The following MYO1D variants were observed in gnomAD, a reference collection of about 807,000 sequenced individuals.
The protein encoded by MYO1D is myosin ID.
MYO1D carries 83 observed loss-of-function variants against 122.0 expected under a neutral mutation model. The ratio of observed to expected loss-of-function variants is 0.68; its 90% CI spans 0.57 to 0.82. The LOEUF is 0.82. Ranked by LOEUF, MYO1D falls within the 40% of genes least tolerant of loss-of-function variation. The pLI is 0.00. For missense variants in MYO1D, 1,157 were observed against 1,269.5 expected (o/e 0.91, Z 1.35); for synonymous variants, 464 against 446.9 (o/e 1.04, Z -0.48).
intron 13 of MYO1D, among the ~76,000 whole-genome samples, chr17:32,740,922 T>C (rs2089764666): frequency 1.3e-5 from 2 of 152,256 alleles, no homozygotes; most frequent in South Asian, 4.1e-4. Context: ...GAGTAAAAGT[T>C]TGTGCACTTG....
chr17:32,595,262 T>C (rs1177015786), intron 21 of MYO1D, among the ~76,000 whole-genome samples: 1 of 152,202 alleles, frequency 6.6e-6, no homozygotes, highest in African/African-American at 2.4e-5. Context: ...TATTCTGTAA[T>C]CTTATCTGTA....
chr17:32,787,697 G>A lies in MYO1D; in HGVS notation c.96-6913C>T, dbSNP rs145717292. Among the ~76,000 whole-genome samples the A allele has an allele frequency of 3.5e-3, 534 of 152,224 alleles. 3 individuals carry two copies. The highest frequency in any genetic ancestry group is 0.012 in the African/African-American group (494 of 41,532). On this transcript the variant is annotated intron_variant, in intron 1 of 21. Transcript: ENST00000318217. ...CTCCCAAAGTGCTGGAATTACAGGC[G>A]TGAGCCACGGTGCCAGGCCTGGTAT...
chr17:32,803,135 A>G lies in MYO1D; in HGVS notation c.96-22351T>C, dbSNP rs529309152. On this transcript the variant is annotated intron_variant, in intron 1 of 21. Transcript: ENST00000318217. ...TCTGAAATGTGAACCAAGTTGTGCC[A>G]GAACTTCCAATTTTTCTTTCTTTTT... Among the ~76,000 whole-genome samples the G allele has an allele frequency of 1.9e-4, 29 of 152,222 alleles. No homozygotes were observed. In the South Asian group the frequency reaches 6.0e-3, roughly 32 times the overall value.
At chr17:32,659,567 G>A in intron 16 of MYO1D, 1 of 560,284 alleles carries the variant, frequency 1.8e-6, no homozygotes, top group Non-Finnish European at 3.2e-6. Flanking sequence ...ATTCTACACT[G>A]AAGTGTGTGC....
intron 19 of MYO1D, among the ~76,000 whole-genome samples, chr17:32,651,686 T>TC (rs1249556822): frequency 3.4e-4 from 52 of 151,440 alleles, no homozygotes; most frequent in African/African-American, 1.3e-3. Context: ...TTTTTTTTTT[T>TC]TTTTTTTTTA....
At chr17:32,709,100 C>A (rs2089343323) in intron 16 of MYO1D, among the ~76,000 whole-genome samples, 1 of 152,124 alleles carries the variant, frequency 6.6e-6, no homozygotes, top group South Asian at 2.1e-4. Flanking sequence ...AGGAAGTAAA[C>A]AAACTATCGC....
intron 1 of MYO1D, among the ~76,000 whole-genome samples, chr17:32,813,260 C>T (rs2090587334): frequency 6.6e-6 from 1 of 152,164 alleles, no homozygotes; most frequent in South Asian, 2.1e-4. Flanking sequence ...GGCTTAGATA[C>T]AATGGTGATC....
intron 11 of MYO1D, among the ~76,000 whole-genome samples, chr17:32,751,046 T>C (rs1380453107): frequency 6.6e-5 from 10 of 152,200 alleles, no homozygotes; most frequent in African/African-American, 9.6e-5. Flanking sequence ...GCAACTGATC[T>C]GAACACAGGA....
At chr17:32,553,582 A>G (rs1158768577) in intron 21 of MYO1D, among the ~76,000 whole-genome samples, 1 of 152,152 alleles carries the variant, frequency 6.6e-6, no homozygotes, top group Admixed American at 6.5e-5. Context: ...TCTTGCTAGA[A>G]AGTTCCAAAG....
chr17:32,685,909 G>T (rs978671425), intron 16 of MYO1D, among the ~76,000 whole-genome samples: 1 of 152,178 alleles, frequency 6.6e-6, no homozygotes, highest in Middle Eastern at 3.2e-3. Context: ...TGGCCAATGC[G>T]ATATAAATTG....
intron 1 of MYO1D, among the ~76,000 whole-genome samples, chr17:32,802,882 C>T (rs1222687949): frequency 6.6e-5 from 10 of 152,094 alleles, no homozygotes; most frequent in Admixed American, 4.6e-4. Context: ...AGGAAAGGTA[C>T]CTGCTGGTCT....
intron 20 of MYO1D, among the ~76,000 whole-genome samples, chr17:32,631,372 G>A (rs1254967243): frequency 6.6e-6 from 1 of 152,182 alleles, no homozygotes; most frequent in Non-Finnish European, 1.5e-5. Context: ...GGTGTGGTGT[G>A]GCTCATGCCT....
chr17:32,832,882 C>T (rs1270904668), intron 1 of MYO1D, among the ~76,000 whole-genome samples: 1 of 152,170 alleles, frequency 6.6e-6, no homozygotes, highest in South Asian at 2.1e-4. Context: ...CTTAATTTAT[C>T]TGATCTATAA....
chr17:32,606,928 G>A (rs552213823), intron 20 of MYO1D, among the ~76,000 whole-genome samples: 155 of 152,328 alleles, frequency 1.0e-3, no homozygotes, highest in African/African-American at 3.3e-3. Context: ...GGGAGGCTGA[G>A]GTGGGTGGAT....
intron 1 of MYO1D, among the ~76,000 whole-genome samples, chr17:32,802,893 A>C (rs1484861695): frequency 6.6e-6 from 1 of 152,166 alleles, no homozygotes; most frequent in Admixed American, 6.5e-5. Flanking sequence ...CTGCTGGTCT[A>C]AAAAAGCTGG....
intron 16 of MYO1D, among the ~76,000 whole-genome samples, chr17:32,695,837 G>A (rs951696510): frequency 3.3e-5 from 5 of 152,186 alleles, no homozygotes; most frequent in Non-Finnish European, 7.4e-5. Flanking sequence ...TTAAAAATGT[G>A]CAGACTCTAC....
chr17:32,496,589 G>A (rs1909121390), intron 21 of MYO1D, among the ~76,000 whole-genome samples: 2 of 152,158 alleles, frequency 1.3e-5, no homozygotes, highest in South Asian at 4.1e-4. Flanking sequence ...GGCCCCTGCA[G>A]CCCTCGTGCT....
intron 1 of MYO1D, among the ~76,000 whole-genome samples, chr17:32,794,007 A>T (rs186011006): frequency 5.5e-4 from 84 of 152,350 alleles, no homozygotes; most frequent in Non-Finnish European, 9.8e-4. Flanking sequence ...TCTTTCTTCC[A>T]CTTGAGACCC....
intron 1 of MYO1D, among the ~76,000 whole-genome samples, chr17:32,822,386 AG>A (rs2090674400): frequency 1.9e-5 from 1 of 53,478 alleles, no homozygotes; most frequent in African/African-American, 7.1e-5. Flanking sequence ...GGGTAGGGGG[AG>A]GGGGGAGGGA....
Sources: allele counts gnomAD v4.1 joint callset (sites outside exome capture counted in the v4.1 genomes callset), GRCh38; gene constraint gnomAD v4.1.1; transcripts MANE v1.5; gene names NCBI Gene and HGNC (gene_info 2026-07-23, HGNC 2026-07-21).